HERC2: variants seen among roughly 807,000 people sequenced by gnomAD.
The protein encoded by HERC2 is HECT and RLD domain containing E3 ubiquitin protein ligase 2, also known as E3 ubiquitin-protein ligase HERC2.
A neutral mutation model predicts 537.7 loss-of-function variants in HERC2; 102 were observed. The ratio of observed to expected loss-of-function variants is 0.19; its 90% CI spans 0.16 to 0.22. The LOEUF (loss-of-function observed/expected upper bound fraction) is 0.22. HERC2 is among the 10% of genes least tolerant of loss of function. HERC2 has a pLI of 1.00. For missense variants in HERC2, 4,236 were observed against 6,198.2 expected (o/e 0.68, Z 10.63); for synonymous variants, 2,224 against 2,466.2 (o/e 0.90, Z 2.91).
intron 2 of HERC2, among the ~76,000 whole-genome samples, chr15:28,313,656 T>A (rs1215669451): frequency 6.6e-6 from 1 of 152,232 alleles, no homozygotes; most frequent in African/African-American, 2.4e-5. Context: ...ATGGCTTTTT[T>A]TCTTAAACCT....
In HERC2 at chr15:28,268,360, C is replaced by T. The variant is rs2075626969; in HGVS notation, c.1598+105G>A. On this transcript the variant is annotated intron_variant, in intron 12 of 92. Transcript: ENST00000261609. This position sits in a 1 kb window ranked among gnomAD's most constrained non-coding sequence, Gnocchi z 4.7. The stretch of plus-strand genomic sequence containing the variant: ...CCTGCTCCATCCCAGCGCTACATGT[C>T]AGGGCAATTGGAAAACACCTGGACA... 9.4e-7 allele frequency: 1 copy of T among 1,067,514 alleles called. No homozygotes were observed. The highest frequency in any genetic ancestry group is 2.4e-5 in the East Asian group (1 of 41,536). The allele number at this position is 1,067,514 out of a possible 1,614,324, so 66.1% of individuals were successfully genotyped here. A position where few individuals can be genotyped will look rare whatever the true frequency, so the allele number is the denominator to read the frequency against.
chr15:28,186,055 G>A (rs1896278584), intron 56 of HERC2, among the ~76,000 whole-genome samples: 1 of 152,170 alleles, frequency 6.6e-6, no homozygotes, highest in South Asian at 2.1e-4. Flanking sequence ...CAGGACTGAA[G>A]ACTAATCATA....
chr15:28,131,084 T>C (rs1376174076), intron 81 of HERC2, among the ~76,000 whole-genome samples: 2 of 151,876 alleles, frequency 1.3e-5, no homozygotes, highest in East Asian at 1.9e-4. Context: ...TCCCACAAGC[T>C]GCTCCTCATG....
chr15:28,191,874 G>A (rs1029418102), intron 53 of HERC2, 87 bp downstream of exon 53: 1 of 1,208,056 alleles, frequency 8.3e-7, no homozygotes, highest in African/African-American at 1.5e-5. Context: ...GCAAAACTTT[G>A]CAGGCTGCTC....
chr15:28,196,699 G>A (rs1897376082), intron 50 of HERC2, 130 bp from the exon 51 acceptor site: 1 of 605,344 alleles, frequency 1.7e-6, no homozygotes, highest in African/African-American at 1.9e-5. Flanking sequence ...ACCTTTTAGA[G>A]ATAGGTACTA....
At chr15:28,238,362 G>A (rs1163553555) in intron 24 of HERC2, 145 bp from the exon 25 acceptor site, 4 of 793,046 alleles carry the variant, frequency 5.0e-6, no homozygotes, top group Non-Finnish European at 8.7e-6. Context: ...TGTCTCCCAG[G>A]GTTGCCTGGG....
intron 35 of HERC2, among the ~76,000 whole-genome samples, chr15:28,223,298 G>A (rs1900726218): frequency 6.6e-6 from 1 of 152,084 alleles, no homozygotes; most frequent in Admixed American, 6.5e-5. Context: ...TGTGGTTCTG[G>A]TAACTCCCTT....
chr15:28,287,360 A>G (rs2076184220), intron 4 of HERC2, among the ~76,000 whole-genome samples: 2 of 152,184 alleles, frequency 1.3e-5, no homozygotes, highest in African/African-American at 4.8e-5. Flanking sequence ...CCAGGTAGAG[A>G]GTCGGTTCTG....
At chr15:28,114,005 C>T (rs941896419) in intron 90 of HERC2, among the ~76,000 whole-genome samples, 3 of 152,170 alleles carry the variant, frequency 2.0e-5, no homozygotes, top group African/African-American at 7.2e-5. Flanking sequence ...GCCCCAGGCC[C>T]GAGACACTGT....
At chr15:28,301,351 G>T (rs1346299339) in intron 2 of HERC2, among the ~76,000 whole-genome samples, 1 of 151,936 alleles carries the variant, frequency 6.6e-6, no homozygotes, top group South Asian at 2.1e-4. Flanking sequence ...GGAGGCCAAG[G>T]TTGCAGTGGG....
intron 4 of HERC2, among the ~76,000 whole-genome samples, chr15:28,281,606 T>C (rs1313025375): frequency 6.6e-6 from 1 of 152,142 alleles, no homozygotes; most frequent in Non-Finnish European, 1.5e-5. Context: ...CACCACTCCC[T>C]GGAAAGGCAC....
intron 9 of HERC2, among the ~76,000 whole-genome samples, chr15:28,271,201 T>C (rs2075718475): frequency 6.6e-6 from 1 of 152,326 alleles, no homozygotes; most frequent in Admixed American, 6.5e-5. Flanking sequence ...ACCACCTCTG[T>C]GGGAACCCAG....
chr15:28,254,038 C>G (rs990429228), intron 20 of HERC2, among the ~76,000 whole-genome samples: 6 of 152,072 alleles, frequency 3.9e-5, no homozygotes, highest in African/African-American at 1.4e-4. Flanking sequence ...AATCCCAACA[C>G]TTTGGGAGGC....
Position 28,218,426 on chromosome 15 carries a change from C to G in HERC2, c.6028+63G>C, listed in dbSNP as rs1205718789. ...ACATCCACACCCACCCACATGAACA[C>G]CCAGACACAAGCGTGCGGCCCCCAG... On this transcript the variant is annotated intron_variant, in intron 38 of 92. Transcript: ENST00000261609. The G allele has an allele frequency of 2.1e-6, 3 of 1,444,154 alleles. 1 individual carries two copies. The African/African-American group carries it at 5.0e-5, about 24-fold the overall frequency. 89.5% of individuals were successfully genotyped at this position (1,444,154 alleles called of 1,614,324 possible).
Position 28,229,302 on chromosome 15 carries a change from G to C in HERC2, c.5165C>G (p.Pro1722Arg), listed in dbSNP as rs1193072809. The change falls in exon 34 of 93, where the codon CCT (proline) becomes CGT (arginine). Residue 1722 changes from proline (P) to arginine (R), a missense_variant. Physicochemically the swap from Pro to Arg is moderately radical, Grantham distance 103. Around this residue, in one of 27 missense-constraint regions of HERC2, gnomAD observed 343 missense variants for 417.2 expected, o/e 0.82. Transcript: ENST00000261609. ...DCLKDVDLIP[P>R]FNRMLLEVTF... ...GACTTCCAGCAGCATCCGATTAAAA[G>C]GCGGGATCAAATCAACATCCTTTAA... The C allele has an allele frequency of 6.2e-7, 1 of 1,612,464 alleles. No individual in the cohort carries two copies. Among genetic ancestry groups the C allele is most frequent in the African/African-American group, 1.3e-5 (1 of 74,886 alleles).
At chr15:28,280,363 T>TGATGACGACAGGTA (rs1189832084) in intron 4 of HERC2, 76 bp from the exon 5 acceptor site, 13 of 1,215,906 alleles carry the variant, frequency 1.1e-5, no homozygotes, top group Non-Finnish European at 1.5e-5. Flanking sequence ...AGAAAATGGA[T>TGATGACGACAGGTA]GATGACGACA....
intron 68 of HERC2, among the ~76,000 whole-genome samples, chr15:28,164,043 G>A (rs1193406617): frequency 2.0e-5 from 3 of 152,142 alleles, no homozygotes; most frequent in Admixed American, 6.5e-5. Context: ...TTGTGGAAAC[G>A]GGAAAGGCCC....
At position 28,230,688 on chromosome 15, in the gene HERC2, G is replaced by T. The variant is rs868779608; in HGVS notation, c.4676-188C>A. 9.2e-4 allele frequency among the ~76,000 whole-genome samples: 140 copies of T among 152,096 alleles called. 1 individual carries two copies. The highest frequency in any genetic ancestry group is 2.5e-3 in the Admixed American group (38 of 15,268). On this transcript the variant is annotated intron_variant, in intron 30 of 92. Coordinates refer to ENST00000261609, the MANE Select transcript of HERC2 (RefSeq NM_004667.6). ...CTGGCAGAACAAAAAGACAAAGTGA[G>T]AGTGCGACGAGGGGAGAAGCCCCGA...
Position 28,228,341 on chromosome 15 carries a change from G to A in HERC2, c.5341C>T (p.Pro1781Ser), listed in dbSNP as rs1284744238. 5 of 1,612,232 alleles carry A rather than the reference G, an allele frequency of 3.1e-6. No individual in the cohort carries two copies. The highest frequency in any genetic ancestry group is 2.5e-6 in the Non-Finnish European group (3 of 1,179,862). Residue 1781 changes from proline (P) to serine (S), a missense_variant, in exon 35 of 93, where the codon CCG becomes TCG. By Grantham distance (74) the Pro-to-Ser change is moderately conservative (BLOSUM62 -1). Transcript: ENST00000261609. ...NPSGPSLGTI[P>S]QARFLLVMLS... ...ATCACCAGGAGGAAGCGGGCTTGCGGGATGGTCCCCAGGCTCGGTCCTGAC... is the reference window on the plus strand; with the variant it reads ...ATCACCAGGAGGAAGCGGGCTTGCGAGATGGTCCCCAGGCTCGGTCCTGAC...
Sources: gnomAD v4.1 joint callset for allele counts (sites outside exome capture counted in the v4.1 genomes callset) on GRCh38, gnomAD v4.1.1 for gene constraint, gnomAD v4.1.1 regional missense constraint, Gnocchi (gnomAD v3.1) non-coding constraint, MANE v1.5 for transcripts, NCBI Gene and HGNC (gene_info 2026-07-23, HGNC 2026-07-21) for gene names.